MYO5B: variants seen among roughly 807,000 people sequenced by gnomAD.
MYO5B encodes myosin VB.
In MYO5B, 143 loss-of-function variants were observed where a neutral mutation model predicts 229.3. That is an observed-to-expected ratio of 0.62 (90% CI 0.54 to 0.72). The LOEUF (loss-of-function observed/expected upper bound fraction) is 0.72, where lower values mean the gene tolerates loss of function less well. MYO5B is among the 30% of genes least tolerant of loss of function. The pLI is 0.00. For missense variants in MYO5B, 2,321 were observed against 2,331.0 expected, an observed-to-expected ratio of 1.00 and a Z score of 0.09; for synonymous variants, 918 against 885.2, an observed-to-expected ratio of 1.04 and a Z score of -0.66.
chr18:49,914,159 C>T (rs2043260416), intron 17 of MYO5B, among the ~76,000 whole-genome samples: 1 of 152,212 alleles, frequency 6.6e-6, no homozygotes. Flanking sequence ...GCTAAAACCA[C>T]ACTGTGACAC....
At chr18:50,090,081 T>G (rs2031415598) in intron 1 of MYO5B, among the ~76,000 whole-genome samples, 2 of 152,148 alleles carry the variant, frequency 1.3e-5, no homozygotes. Context: ...CCCACTCCCT[T>G]TGTCTCTGTA....
chr18:49,940,269 C>T (rs1038351564), intron 14 of MYO5B, among the ~76,000 whole-genome samples: 3 of 152,196 alleles, frequency 2.0e-5, no homozygotes, highest in Non-Finnish European at 4.4e-5. Context: ...TGGCTCATCT[C>T]CCTTCTGCAG....
intron 6 of MYO5B, among the ~76,000 whole-genome samples, chr18:49,991,487 A>G (rs561237168): frequency 1.3e-5 from 2 of 152,326 alleles, no homozygotes; most frequent in South Asian, 4.1e-4. Context: ...AGTTGCACCA[A>G]GCCCACTAAA....
intron 17 of MYO5B, 61 bp from the exon 18 acceptor site, chr18:49,912,234 A>C: frequency 7.9e-7 from 1 of 1,271,342 alleles, no homozygotes. Flanking sequence ...CACAAAAGCC[A>C]GGCGTGACCT....
chr18:49,848,358 T>C (rs1288371559), intron 32 of MYO5B, among the ~76,000 whole-genome samples: 4 of 151,514 alleles, frequency 2.6e-5, no homozygotes, highest in African/African-American at 7.3e-5. Context: ...AGAGGTGGGA[T>C]GAAGGGCGGG....
At chr18:50,179,573 G>A (rs918526807) in intron 1 of MYO5B, among the ~76,000 whole-genome samples, 1 of 152,140 alleles carries the variant, frequency 6.6e-6, no homozygotes, top group Non-Finnish European at 1.5e-5. Flanking sequence ...CTCAGAAAGG[G>A]CATTAAAACC....
chr18:50,120,018 C>T (rs1033813611), intron 1 of MYO5B, among the ~76,000 whole-genome samples: 1 of 152,150 alleles, frequency 6.6e-6, no homozygotes. Flanking sequence ...TAGCTTCTAG[C>T]ACATACGGCA....
chr18:50,102,011 A>T (rs1486344407), intron 1 of MYO5B, among the ~76,000 whole-genome samples: 1 of 152,222 alleles, frequency 6.6e-6, no homozygotes, highest in African/African-American at 2.4e-5. Context: ...GACTGGATTT[A>T]AAAAGTGTGG....
chr18:50,013,954 C>T (rs547489310), intron 4 of MYO5B, among the ~76,000 whole-genome samples: 25 of 152,282 alleles, frequency 1.6e-4, no homozygotes, highest in South Asian at 1.5e-3. Flanking sequence ...CCTCAGGTGC[C>T]GCTGGGTATG....
chr18:50,022,827 C>G (rs1162870736), intron 4 of MYO5B, among the ~76,000 whole-genome samples: 2 of 152,144 alleles, frequency 1.3e-5, no homozygotes, highest in African/African-American at 2.4e-5. Flanking sequence ...ACTCCCCACG[C>G]AGGCCCTTTA....
Position 49,837,679 on chromosome 18 carries a change from C to A in MYO5B, c.4976G>T (p.Arg1659Leu). Residue 1659 changes from arginine to leucine, a missense_variant, in exon 37 of 40, where the codon CGC becomes CTC. Arg to Leu is a moderately radical substitution (Grantham distance 102). This residue lies in a region of MYO5B where 208 missense variants were observed against 286.3 expected (regional missense o/e 0.73). Coordinates refer to ENST00000285039, the MANE Select transcript of MYO5B (RefSeq NM_001080467.3). ...DNSYCLEAIIRQMNAFHTVMC... is the reference protein window; with the variant it reads ...DNSYCLEAIILQMNAFHTVMC... ...GACTGTATGAAAGGCATTCATCTGG[C>A]GGATGATAGCTTCCAGGCAGTATGA... is the stretch of plus-strand genomic sequence containing the variant. The A allele has an allele frequency of 1.2e-6, 2 of 1,614,100 alleles. No homozygotes were observed. Among genetic ancestry groups the A allele is most frequent in the Non-Finnish European group, 1.7e-6 (2 of 1,179,968 alleles).
chr18:49,996,457 CA>C (rs1396260824), intron 5 of MYO5B, among the ~76,000 whole-genome samples: 1 of 152,188 alleles, frequency 6.6e-6, no homozygotes, highest in Non-Finnish European at 1.5e-5. Flanking sequence ...GGTATATCCA[CA>C]CAATCAGATG....
intron 39 of MYO5B, among the ~76,000 whole-genome samples, chr18:49,834,030 C>G (rs1018586696): frequency 1.3e-5 from 2 of 152,184 alleles, no homozygotes; most frequent in African/African-American, 2.4e-5. Flanking sequence ...CTGTTGGCCT[C>G]TGTTCCCTAC....
intron 1 of MYO5B, among the ~76,000 whole-genome samples, chr18:50,139,721 T>C (rs2032388942): frequency 6.6e-6 from 1 of 152,070 alleles, no homozygotes; most frequent in South Asian, 2.1e-4. Flanking sequence ...TTCCCTTCTA[T>C]CCACATGTCC....
chr18:50,106,982 C>T (rs868724252), intron 1 of MYO5B, among the ~76,000 whole-genome samples: 3 of 152,088 alleles, frequency 2.0e-5, no homozygotes, highest in Non-Finnish European at 2.9e-5. Context: ...GGGAGGAGAA[C>T]ATCTTGGCCT....
In MYO5B at chr18:49,826,107, G is replaced by T; in HGVS notation, c.*364C>A. ...AATTTATGTGACTTATATATATTTG[G>T]TATTTTAATTTGGACATTCTCTAGT... On this transcript the variant is annotated 3_prime_UTR_variant, in exon 40 of 40. Transcript: ENST00000285039. 1 of 280,772 alleles carries T rather than the reference G, an allele frequency of 3.6e-6. No homozygotes were observed. Among genetic ancestry groups the T allele is most frequent in the Non-Finnish European group, 6.9e-6 (1 of 145,540 alleles). The allele number at this position is 280,772 out of a possible 1,614,324, so 17.4% of individuals were successfully genotyped here.
At chr18:49,890,169 C>T (rs1787551) in intron 22 of MYO5B, among the ~76,000 whole-genome samples, 88,339 of 152,034 alleles carry the variant, frequency 0.58, 25,817 homozygotes, top group Middle Eastern at 0.67. Context: ...CCCCAGTCTT[C>T]CCAGCCAGCT....
At chr18:50,106,862 G>A (rs1449098036) in intron 1 of MYO5B, among the ~76,000 whole-genome samples, 2 of 152,168 alleles carry the variant, frequency 1.3e-5, no homozygotes, top group South Asian at 2.1e-4. Flanking sequence ...TGTGCCTTTG[G>A]TATGGCCACA....
At chr18:49,985,694 C>T (rs139064388) in intron 7 of MYO5B, among the ~76,000 whole-genome samples, 102 of 152,228 alleles carry the variant, frequency 6.7e-4, no homozygotes, top group African/African-American at 2.3e-3. Context: ...AAGTGTATAA[C>T]GTTTGGTTTT....
Sources: gnomAD v4.1 joint callset for allele counts (sites outside exome capture counted in the v4.1 genomes callset) on GRCh38, gnomAD v4.1.1 for gene constraint, gnomAD v4.1.1 regional missense constraint, MANE v1.5 for transcripts, NCBI Gene and HGNC (gene_info 2026-07-23, HGNC 2026-07-21) for gene names.